Variants in SRL observed in about 807,000 individuals in gnomAD.
The protein encoded by SRL is sarcalumenin.
SRL carries 23 observed loss-of-function variants against 39.5 expected under a neutral mutation model. That is an observed-to-expected ratio of 0.58 (90% CI 0.42 to 0.82). The LOEUF is 0.82. Among genes scored for constraint, SRL ranks in the 40% least tolerant of loss-of-function variants. SRL has a pLI of 0.00. For synonymous variants in SRL, 272 were observed against 237.4 expected, an observed-to-expected ratio of 1.15 and a Z score of -1.34; for missense variants, 592 against 607.8, an observed-to-expected ratio of 0.97 and a Z score of 0.27.
intron 1 of SRL, among the ~76,000 whole-genome samples, chr16:4,235,560 G>C (rs1460247544): frequency 6.6e-6 from 1 of 152,046 alleles, no homozygotes; most frequent in East Asian, 1.9e-4. Context: ...AATTAGCTGG[G>C]TGTGGTGACA....
In SRL at chr16:4,192,183, T is replaced by C. The variant is rs746991398; in HGVS notation, c.1392A>G (p.Glu464=). The C allele has an allele frequency of 1.9e-6, 3 of 1,559,976 alleles. No individual in the cohort carries two copies. The highest frequency in any genetic ancestry group is 2.6e-6 in the Non-Finnish European group (3 of 1,157,256). Residue 464 remains glutamate, a synonymous_variant, in exon 6 of 6, where the codon GAA becomes GAG. Transcript: ENST00000399609. The surrounding 1 kb of genome is among the most constrained non-coding windows in gnomAD (Gnocchi z 4.0). Reference sequence around the variant, plus strand: ...GCTTCCTGTAGCGATTTTTTGGTGTTTCGCTACACCCTGTTTTGTCACAGT... The same window carrying C: ...GCTTCCTGTAGCGATTTTTTGGTGTCTCGCTACACCCTGTTTTGTCACAGT... ...ALNCDKTGCS[E]TPKNRYRKH is the part of the protein sequence containing the mutation.
At chr16:4,224,129 G>A (rs1343999009) in intron 1 of SRL, among the ~76,000 whole-genome samples, 2 of 152,104 alleles carry the variant, frequency 1.3e-5, no homozygotes, top group Non-Finnish European at 2.9e-5. Flanking sequence ...TCTGGAGGAG[G>A]GAGAGGAGAG....
At chr16:4,195,284 C>G (rs1007327991) in intron 5 of SRL, among the ~76,000 whole-genome samples, 1 of 152,146 alleles carries the variant, frequency 6.6e-6, no homozygotes, top group Non-Finnish European at 1.5e-5. Flanking sequence ...GCAGCCTCAA[C>G]TTCCTCAGCT....
At chr16:4,199,073 C>G (rs2052186761) in intron 3 of SRL, among the ~76,000 whole-genome samples, 3 of 152,188 alleles carry the variant, frequency 2.0e-5, no homozygotes, top group Admixed American at 6.5e-5. Flanking sequence ...TCCTGCATAA[C>G]TCAGCACTGA....
intron 1 of SRL, among the ~76,000 whole-genome samples, chr16:4,239,062 G>T (rs774124718): frequency 6.6e-6 from 1 of 152,174 alleles, no homozygotes; most frequent in Non-Finnish European, 1.5e-5. Context: ...TGGGGAAAAG[G>T]CTTCTGGGGT....
At chr16:4,235,906 G>A (rs1045695434) in intron 1 of SRL, among the ~76,000 whole-genome samples, 1 of 151,888 alleles carries the variant, frequency 6.6e-6, no homozygotes, top group Non-Finnish European at 1.5e-5. Flanking sequence ...GACCAACATG[G>A]AGAAACTCCG....
Position 4,195,563 on chromosome 16 carries a change from C to T in SRL, c.600G>A (p.Gln200=). 1 of 1,614,150 alleles carries T rather than the reference C, an allele frequency of 6.2e-7. No individual in the cohort carries two copies. Among genetic ancestry groups the T allele is most frequent in the East Asian group, 2.2e-5 (1 of 44,878 alleles). The change falls in exon 5 of 6, where the codon CAG becomes CAA. Residue 200 remains glutamine, a synonymous_variant. Coordinates refer to ENST00000399609, the MANE Select transcript of SRL (RefSeq NM_001098814.2). ...DTPGIIENRK[Q]QERGYPFNDV... ...TGAGGGCTAAATTACCTCTTTCTTG[C>T]TGCTTGCGGTTCTCGATGATGCCTG...
rs536282300 is a variant in SRL at position 4,216,017 on chromosome 16, C to T, written c.62-11383G>A. ...CACCACTATACTCCAGCCTAGGCAA[C>T]AGAGGGAGACCCTGTCTCAAAAAAA... On this transcript the variant is annotated intron_variant, in intron 1 of 5. Coordinates refer to ENST00000399609, the MANE Select transcript of SRL (RefSeq NM_001098814.2). Among the ~76,000 whole-genome samples the T allele has an allele frequency of 1.3e-4, 20 of 151,692 alleles. No homozygotes were observed. The East Asian group carries it at 3.5e-3, about 26-fold the overall frequency.
intron 4 of SRL, among the ~76,000 whole-genome samples, chr16:4,197,174 T>C (rs926992959): frequency 7.1e-5 from 10 of 141,612 alleles, no homozygotes; most frequent in East Asian, 2.4e-4. Context: ...GTTCAAGCAA[T>C]TCCGCTGCCT....
chr16:4,202,246 A>T lies in SRL; in HGVS notation c.259+920T>A, dbSNP rs188150626. ...TCTATGTGCTCACACATGAAGAGGA[A>T]ATGCTTGGAAGGCTTCACTATAACG... On this transcript the variant is annotated intron_variant, in intron 3 of 5. Coordinates refer to ENST00000399609, the MANE Select transcript of SRL (RefSeq NM_001098814.2). Among the ~76,000 whole-genome samples, 3 of 152,354 alleles carry T rather than the reference A, an allele frequency of 2.0e-5. No homozygotes were observed. In the East Asian group the frequency reaches 5.8e-4, roughly 29 times the overall value.
Position 4,192,053 on chromosome 16 carries a change from T to C in SRL, c.*100A>G. ...CTCCCAACTCTCCACTGTGTAATAA[T>C]TCCTGCCAGTGTGGCTCAAAGGGTT... On this transcript the variant is annotated 3_prime_UTR_variant, in exon 6 of 6. Transcript: ENST00000399609. This position sits in a 1 kb window ranked among gnomAD's most constrained non-coding sequence, Gnocchi z 4.0. 7.6e-7 allele frequency: 1 copy of C among 1,313,728 alleles called. No homozygotes were observed. Among genetic ancestry groups the C allele is most frequent in the South Asian group, 1.5e-5 (1 of 68,844 alleles). The allele number at this position is 1,313,728 out of a possible 1,614,324, so 81.4% of individuals were successfully genotyped here. A position where few individuals can be genotyped will look rare whatever the true frequency, so the allele number is the denominator to read the frequency against.
intron 1 of SRL, among the ~76,000 whole-genome samples, chr16:4,205,956 A>G (rs959442490): frequency 2.0e-5 from 3 of 151,658 alleles, no homozygotes; most frequent in Non-Finnish European, 4.4e-5. Flanking sequence ...AAAAAAAAAA[A>G]AGTATGTAAA....
chr16:4,230,554 T>C (rs990492751), intron 1 of SRL, among the ~76,000 whole-genome samples: 5 of 151,630 alleles, frequency 3.3e-5, no homozygotes, highest in Non-Finnish European at 7.4e-5. Context: ...CTAATTTTTT[T>C]TTTTTTGTAT....
chr16:4,236,738 G>C lies in SRL; in HGVS notation c.61+5269C>G, dbSNP rs2052718122. On this transcript the variant is annotated intron_variant, in intron 1 of 5. Coordinates refer to ENST00000399609, the MANE Select transcript of SRL (RefSeq NM_001098814.2). ...AGCTCACTGCAACCTCTGCCTCCCG[G>C]GTACAAGCAATTCTCCTGCCTCAGC... Among the ~76,000 whole-genome samples the C allele has an allele frequency of 2.0e-5, 3 of 152,134 alleles. No homozygotes were observed. The South Asian group carries it at 6.2e-4, about 32-fold the overall frequency.
At chr16:4,228,977 T>A (rs551482870) in intron 1 of SRL, among the ~76,000 whole-genome samples, 39 of 152,106 alleles carry the variant, frequency 2.6e-4, no homozygotes, top group Non-Finnish European at 5.1e-4. Flanking sequence ...GGAGAGGTCA[T>A]GAGAAAGTGA....
intron 5 of SRL, among the ~76,000 whole-genome samples, chr16:4,194,444 G>T (rs961799886): frequency 6.6e-6 from 1 of 152,192 alleles, no homozygotes; most frequent in East Asian, 1.9e-4. Context: ...GGGCTTTGAA[G>T]AAGCCTGCTA....
intron 1 of SRL, among the ~76,000 whole-genome samples, chr16:4,220,958 C>T (rs576367566): frequency 6.6e-6 from 1 of 152,048 alleles, no homozygotes; most frequent in Admixed American, 6.6e-5. Flanking sequence ...TGCGCTCCAG[C>T]CTGGCAACAG....
chr16:4,205,307 C>T (rs535477535), intron 1 of SRL, among the ~76,000 whole-genome samples: 2 of 152,098 alleles, frequency 1.3e-5, no homozygotes, highest in Non-Finnish European at 1.5e-5. Flanking sequence ...CAGCAAGACC[C>T]TATCTTAAAA....
intron 4 of SRL, among the ~76,000 whole-genome samples, chr16:4,197,083 T>TTTTTGTG (rs1555453611): frequency 5.7e-5 from 4 of 69,834 alleles, no homozygotes; most frequent in Non-Finnish European, 5.6e-5. Flanking sequence ...TTTTTTTTTT[T>TTTTTGTG]TGTGAGACAG....
Sources: gnomAD v4.1 joint callset for allele counts (sites outside exome capture counted in the v4.1 genomes callset) on GRCh38, gnomAD v4.1.1 for gene constraint, Gnocchi (gnomAD v3.1) non-coding constraint, MANE v1.5 for transcripts, NCBI Gene and HGNC (gene_info 2026-07-23, HGNC 2026-07-21) for gene names.